The following MBOAT1 variants were observed in gnomAD, a reference collection of about 807,000 sequenced individuals.
MBOAT1 encodes the protein membrane bound glycerophospholipid O-acyltransferase 1.
In MBOAT1, 67 loss-of-function variants were observed where a neutral mutation model predicts 64.4. That is an observed-to-expected ratio of 1.04 (90% CI 0.85 to 1.27). The LOEUF (loss-of-function observed/expected upper bound fraction) is 1.27, where lower values mean the gene tolerates loss of function less well. Ranked by LOEUF, MBOAT1 falls within the 50% of genes most tolerant of loss-of-function variation. MBOAT1 has a pLI of 0.00. For missense variants in MBOAT1, 563 were observed against 604.6 expected (o/e 0.93, Z 0.72); for synonymous variants, 229 against 218.9 (o/e 1.05, Z -0.41).
intron 1 of MBOAT1, among the ~76,000 whole-genome samples, chr6:20,211,248 G>A (rs2113783233): frequency 6.6e-6 from 1 of 152,282 alleles, no homozygotes; most frequent in East Asian, 1.9e-4. Context: ...GCACTGGTGA[G>A]AGGAAGGGGA....
At chr6:20,157,245 C>G (rs942978617) in intron 1 of MBOAT1, among the ~76,000 whole-genome samples, 1 of 152,146 alleles carries the variant, frequency 6.6e-6, no homozygotes, top group Admixed American at 6.5e-5. Context: ...GAGCTATGAT[C>G]ATGCCACTGC....
intron 8 of MBOAT1, among the ~76,000 whole-genome samples, chr6:20,124,054 G>A (rs1035893244): frequency 6.6e-6 from 1 of 151,820 alleles, no homozygotes; most frequent in Non-Finnish European, 1.5e-5. Context: ...GAGACTCCAT[G>A]TCAAAAAAAA....
rs1169689327 is a variant in MBOAT1, at chr6:20,100,230, T to A, written c.*2056A>T. 2.0e-5 allele frequency among the ~76,000 whole-genome samples: 3 copies of A among 152,214 alleles called. No homozygotes were observed. In the East Asian group the frequency reaches 5.8e-4, roughly 29 times the overall value. On this transcript the variant is annotated 3_prime_UTR_variant, in exon 13 of 13. Coordinates refer to ENST00000324607, the MANE Select transcript of MBOAT1 (RefSeq NM_001080480.3). ...TGAAACCTGATCATCAATCACATTG[T>A]AAATTCAAAGACTTCACTGTAATAT...
intron 1 of MBOAT1, among the ~76,000 whole-genome samples, chr6:20,180,800 T>C (rs1012422032): frequency 6.6e-6 from 1 of 152,244 alleles, no homozygotes; most frequent in African/African-American, 2.4e-5. Flanking sequence ...ATACAATGTA[T>C]CCATGGGCAA....
intron 1 of MBOAT1, among the ~76,000 whole-genome samples, chr6:20,167,661 G>A (rs1327894072): frequency 6.6e-6 from 1 of 152,212 alleles, no homozygotes; most frequent in Non-Finnish European, 1.5e-5. Context: ...AAAGTTAAAA[G>A]AACAAGCTAT....
Position 20,101,986 on chromosome 6 carries a change from G to C in MBOAT1, c.*300C>G, listed in dbSNP as rs943084941. Among the ~76,000 whole-genome samples, 1 of 149,604 alleles carries C rather than the reference G, an allele frequency of 6.7e-6. No homozygotes were observed. Among genetic ancestry groups the C allele is most frequent in the Non-Finnish European group, 1.5e-5 (1 of 66,880 alleles). On this transcript the variant is annotated 3_prime_UTR_variant, in exon 13 of 13. Transcript: ENST00000324607. Reference sequence around the variant, plus strand: ...AAAAATTAGCCGGGCGTAGTGGCGGGCGCCTGTAGTCCCAGCTACTTGGGA... The same window carrying C: ...AAAAATTAGCCGGGCGTAGTGGCGGCCGCCTGTAGTCCCAGCTACTTGGGA...
At chr6:20,152,326 C>CA (rs60553927) in intron 2 of MBOAT1, among the ~76,000 whole-genome samples, 58 of 97,106 alleles carry the variant, frequency 6.0e-4, no homozygotes, top group African/African-American at 1.8e-3. Flanking sequence ...GACTCCGTCT[C>CA]AAAAAAAAAA....
intron 8 of MBOAT1, among the ~76,000 whole-genome samples, chr6:20,123,863 T>A (rs9356721): frequency 1.3e-5 from 2 of 152,078 alleles, no homozygotes; most frequent in African/African-American, 4.8e-5. Context: ...GAGACCATCC[T>A]GGCTAACACT....
rs185649322 is a variant in MBOAT1, at chr6:20,119,026, G to C, written c.908-486C>G. On this transcript the variant is annotated intron_variant, in intron 8 of 12. Coordinates refer to ENST00000324607, the MANE Select transcript of MBOAT1 (RefSeq NM_001080480.3). ...CTAAGAGGCAGTGCTAAATCAGGAG[G>C]AGAACCGGCTCCGCAAGAGTGATTG... Among the ~76,000 whole-genome samples the C allele has an allele frequency of 2.6e-5, 4 of 152,260 alleles. No homozygotes were observed. The East Asian group carries it at 7.7e-4, about 29-fold the overall frequency.
intron 1 of MBOAT1, among the ~76,000 whole-genome samples, chr6:20,182,748 G>A (rs1480523909): frequency 6.6e-6 from 1 of 152,126 alleles, no homozygotes; most frequent in East Asian, 1.9e-4. Context: ...AACCATTCAG[G>A]TTGCAGGAGC....
chr6:20,168,131 A>C (rs1032853125), intron 1 of MBOAT1, among the ~76,000 whole-genome samples: 10 of 152,192 alleles, frequency 6.6e-5, no homozygotes, highest in Admixed American at 5.9e-4. Context: ...TTGGGCTGTT[A>C]ATTGTGCTTT....
At chr6:20,108,656 A>G (rs988933385) in intron 12 of MBOAT1, among the ~76,000 whole-genome samples, 4 of 152,232 alleles carry the variant, frequency 2.6e-5, no homozygotes, top group African/African-American at 9.7e-5. Context: ...TTTCTAAGTA[A>G]CTATTTAAAA....
At chr6:20,194,288 G>A (rs779917004) in intron 1 of MBOAT1, among the ~76,000 whole-genome samples, 9 of 152,126 alleles carry the variant, frequency 5.9e-5, no homozygotes, top group Admixed American at 2.0e-4. Context: ...TTAATGCACC[G>A]ATGGTGATAT....
intron 4 of MBOAT1, among the ~76,000 whole-genome samples, chr6:20,136,935 G>C (rs976707499): frequency 6.6e-6 from 1 of 152,044 alleles, no homozygotes; most frequent in African/African-American, 2.4e-5. Flanking sequence ...TTTGTCTTAT[G>C]GTTTTTATAG....
At chr6:20,207,176 T>C (rs1312842757) in intron 1 of MBOAT1, among the ~76,000 whole-genome samples, 3 of 152,234 alleles carry the variant, frequency 2.0e-5, no homozygotes, top group Admixed American at 6.5e-5. Flanking sequence ...ACCTTGTCAG[T>C]GCTTTCTCAA....
intron 7 of MBOAT1, 69 bp from the exon 8 acceptor site, chr6:20,124,669 G>A: frequency 6.9e-7 from 1 of 1,453,164 alleles, no homozygotes; most frequent in Non-Finnish European, 9.5e-7. Flanking sequence ...CTTTGGAATG[G>A]ACCTGTTAAG....
chr6:20,123,216 AGAG>A lies in MBOAT1; in HGVS notation c.907+1189_907+1191del, dbSNP rs530366225. ...CTTAAAACTTGAAGGATGAACTGAG[AGAG>A]AAGAGGAACTCAAGGAATTAAGTGC... is the stretch of plus-strand genomic sequence containing the variant. On this transcript the variant is annotated intron_variant, in intron 8 of 12. Transcript: ENST00000324607. Among the ~76,000 whole-genome samples, 12 of 152,332 alleles carry A rather than the reference AGAG, an allele frequency of 7.9e-5. No individual in the cohort carries two copies. In the South Asian group the frequency reaches 2.1e-3, roughly 26 times the overall value.
At chr6:20,129,085 C>T (rs142460510) in intron 5 of MBOAT1, among the ~76,000 whole-genome samples, 12 of 152,226 alleles carry the variant, frequency 7.9e-5, no homozygotes, top group Non-Finnish European at 1.6e-4. Context: ...TATATGTCTT[C>T]CCTGATACAT....
chr6:20,175,206 C>G (rs2113731872), intron 1 of MBOAT1, among the ~76,000 whole-genome samples: 1 of 152,234 alleles, frequency 6.6e-6, no homozygotes, highest in South Asian at 2.1e-4. Flanking sequence ...GAAAAATTGC[C>G]TTTAGCATAG....
Sources: allele counts gnomAD v4.1 joint callset (sites outside exome capture counted in the v4.1 genomes callset), GRCh38; gene constraint gnomAD v4.1.1; transcripts MANE v1.5; gene names NCBI Gene and HGNC (gene_info 2026-07-23, HGNC 2026-07-21).